The following PPP2R3A variants were observed in gnomAD, a reference collection of about 807,000 sequenced individuals.
PPP2R3A encodes the protein protein phosphatase 2 regulatory subunit B''alpha.
In PPP2R3A, 80 loss-of-function variants were observed where a neutral mutation model predicts 106.9. That is an observed-to-expected ratio of 0.75 (90% confidence interval 0.62 to 0.90). The LOEUF (loss-of-function observed/expected upper bound fraction) is 0.90, where lower values mean the gene tolerates loss of function less well. Ranked by LOEUF, PPP2R3A falls within the 40% of genes least tolerant of loss-of-function variation. The pLI is 0.00. For missense variants in PPP2R3A, 1,386 were observed against 1,350.4 expected (o/e 1.03, Z -0.41); for synonymous variants, 483 against 468.3 (o/e 1.03, Z -0.41).
intron 13 of PPP2R3A, among the ~76,000 whole-genome samples, chr3:136,135,948 G>T (rs1457042673): frequency 1.3e-5 from 2 of 149,512 alleles, no homozygotes; most frequent in Non-Finnish European, 3.0e-5. Flanking sequence ...TGGGGCGGGA[G>T]GATCATTTGA....
chr3:136,138,668 A>G (rs1029373886), intron 13 of PPP2R3A, among the ~76,000 whole-genome samples: 3 of 140,302 alleles, frequency 2.1e-5, no homozygotes, highest in Non-Finnish European at 4.6e-5. Context: ...CTGAAGCATT[A>G]TAGACTCCAA....
At chr3:135,995,447 ATT>A (rs60359404) in intron 1 of PPP2R3A, among the ~76,000 whole-genome samples, 3 of 87,320 alleles carry the variant, frequency 3.4e-5, no homozygotes, top group East Asian at 3.8e-4. Flanking sequence ...ACGTTGACAG[ATT>A]TTTTTTTTTT....
chr3:136,011,978 CACACACACACACACAT>C (rs1934099159), intron 2 of PPP2R3A, among the ~76,000 whole-genome samples: 1 of 135,166 alleles, frequency 7.4e-6, no homozygotes, highest in East Asian at 2.0e-4. Context: ...AAATCATACA[CACACACACACACACAT>C]ACACACACAC....
intron 3 of PPP2R3A, 80 bp downstream of exon 3, chr3:136,027,178 C>G: frequency 7.6e-7 from 1 of 1,309,464 alleles, no homozygotes; most frequent in South Asian, 1.5e-5. Context: ...AAACCCGGAT[C>G]CCACCCCCCT....
At chr3:136,081,753 C>T (rs1936787903) in intron 7 of PPP2R3A, among the ~76,000 whole-genome samples, 1 of 152,150 alleles carries the variant, frequency 6.6e-6, no homozygotes, top group Admixed American at 6.5e-5. Flanking sequence ...GCTCAGGGCC[C>T]TGCATCTCTA....
intron 1 of PPP2R3A, among the ~76,000 whole-genome samples, chr3:135,995,190 C>G (rs1933336718): frequency 2.0e-5 from 3 of 152,094 alleles, no homozygotes; most frequent in Admixed American, 2.0e-4. Context: ...TGGCAGCATG[C>G]CACAGACCTG....
At position 136,027,097 on chromosome 3, in the gene PPP2R3A, A is replaced by T. The variant is rs1259191219; in HGVS notation, c.2261A>T (p.Lys754Met). The T allele has an allele frequency of 6.2e-7, 1 of 1,610,472 alleles. No homozygotes were observed. The highest frequency in any genetic ancestry group is 8.5e-7 in the Non-Finnish European group (1 of 1,178,108). The change falls in exon 3 of 14, where the codon AAG becomes ATG. Residue 754 changes from lysine to methionine, a missense_variant and splice_region_variant. By Grantham distance (95) the Lys-to-Met change is moderately conservative. Coordinates refer to ENST00000264977, the MANE Select transcript of PPP2R3A (RefSeq NM_002718.5). Reference sequence around the variant, plus strand: ...ATTTATGAAATGGGGAAAATTGCAAAGGTAATGTAACTACTAAATGATTTA... The same window carrying T: ...ATTTATGAAATGGGGAAAATTGCAATGGTAATGTAACTACTAAATGATTTA... ...ADIYEMGKIAKVCGCPLYWKA... is the reference protein window; with the variant it reads ...ADIYEMGKIAMVCGCPLYWKA...
At chr3:136,070,428 C>A in intron 5 of PPP2R3A, 50 bp from the exon 6 acceptor site, 1 of 1,479,178 alleles carries the variant, frequency 6.8e-7, no homozygotes, top group Non-Finnish European at 9.2e-7. Flanking sequence ...CTTCCATAGG[C>A]ATAATTTTTG....
chr3:135,978,209 T>C (rs1431987786), intron 1 of PPP2R3A, among the ~76,000 whole-genome samples: 1 of 149,048 alleles, frequency 6.7e-6, no homozygotes, highest in Non-Finnish European at 1.5e-5. Flanking sequence ...TTTATTTACA[T>C]ATGCATGTAA....
chr3:136,025,102 T>A (rs1029217701), intron 2 of PPP2R3A, among the ~76,000 whole-genome samples: 4 of 152,170 alleles, frequency 2.6e-5, no homozygotes, highest in African/African-American at 9.7e-5. Context: ...TCCTTTGGTC[T>A]TGTCATTCAT....
chr3:136,143,554 C>T (rs1372987521), intron 13 of PPP2R3A, among the ~76,000 whole-genome samples: 1 of 152,036 alleles, frequency 6.6e-6, no homozygotes, highest in East Asian at 1.9e-4. Flanking sequence ...TTTTGGGAGG[C>T]CGAGACAGGT....
chr3:136,066,947 A>G (rs1356169133), intron 5 of PPP2R3A, among the ~76,000 whole-genome samples: 1 of 152,212 alleles, frequency 6.6e-6, no homozygotes, highest in Non-Finnish European at 1.5e-5. Flanking sequence ...CTTTCTTAAC[A>G]TGATGAAATA....
chr3:136,140,456 A>AAAAAAC (rs1235948655), intron 13 of PPP2R3A, among the ~76,000 whole-genome samples: 2 of 150,740 alleles, frequency 1.3e-5, no homozygotes, highest in African/African-American at 4.9e-5. Context: ...AAAAAAAAAA[A>AAAAAAC]AAAAAAAACC....
chr3:135,981,130 G>C (rs1309210774), intron 1 of PPP2R3A, among the ~76,000 whole-genome samples: 1 of 151,864 alleles, frequency 6.6e-6, no homozygotes, highest in East Asian at 1.9e-4. Flanking sequence ...GGTGATGTGG[G>C]TCCACCTTAC....
At chr3:136,138,693 G>C (rs927333735) in intron 13 of PPP2R3A, among the ~76,000 whole-genome samples, 1 of 66,030 alleles carries the variant, frequency 1.5e-5, no homozygotes, top group African/African-American at 5.9e-5. Flanking sequence ...GAGAAATATT[G>C]AATTTTTTTT....
intron 1 of PPP2R3A, among the ~76,000 whole-genome samples, chr3:135,990,140 G>A (rs34311570): frequency 0.24 from 36,996 of 152,042 alleles, 5,147 homozygotes; most frequent in Non-Finnish European, 0.32. Context: ...CCTTGAAGGC[G>A]GGTCCGGGCA....
At chr3:135,996,369 A>AT (rs1933396985) in intron 1 of PPP2R3A, among the ~76,000 whole-genome samples, 1 of 152,074 alleles carries the variant, frequency 6.6e-6, no homozygotes, top group South Asian at 2.1e-4. Context: ...TTGTCTTCAC[A>AT]TTTTTTTGCT....
intron 13 of PPP2R3A, among the ~76,000 whole-genome samples, chr3:136,128,756 AC>A (rs1938285203): frequency 6.6e-6 from 1 of 152,078 alleles, no homozygotes; most frequent in South Asian, 2.1e-4. Context: ...AAAATTGACC[AC>A]ATAGTTGGAA....
At chr3:136,116,707 A>G (rs971500380) in intron 13 of PPP2R3A, among the ~76,000 whole-genome samples, 2 of 152,216 alleles carry the variant, frequency 1.3e-5, no homozygotes, top group East Asian at 3.8e-4. Flanking sequence ...GTAAATATAT[A>G]TGCACCCAAT....
Sources: gnomAD v4.1 joint callset for allele counts (sites outside exome capture counted in the v4.1 genomes callset) on GRCh38, gnomAD v4.1.1 for gene constraint, MANE v1.5 for transcripts, NCBI Gene and HGNC (gene_info 2026-07-23, HGNC 2026-07-21) for gene names.